FRYL: variants seen among roughly 807,000 people sequenced by gnomAD.
FRYL encodes the protein FRY like transcription coactivator, also known as protein furry homolog-like.
In FRYL, 150 loss-of-function variants were observed where a neutral mutation model predicts 351.2. The observed-to-expected ratio is 0.43, with a 90% CI of 0.37 to 0.49. FRYL has a LOEUF of 0.49. Among genes scored for constraint, FRYL ranks in the 20% least tolerant of loss-of-function variants. FRYL has a pLI of 0.00. For missense variants in FRYL, 3,036 were observed against 3,619.3 expected (o/e 0.84, Z 4.13); for synonymous variants, 1,153 against 1,257.1 (o/e 0.92, Z 1.75).
At chr4:48,603,087 C>T (rs1387522700) in intron 12 of FRYL, among the ~76,000 whole-genome samples, 1 of 152,190 alleles carries the variant, frequency 6.6e-6, no homozygotes, top group African/African-American at 2.4e-5. Context: ...AACAACTCAA[C>T]AAATGCAGAG....
intron 7 of FRYL, 40 bp from the exon 8 acceptor site, chr4:48,609,863 T>C: frequency 9.3e-7 from 1 of 1,069,552 alleles, no homozygotes; most frequent in Non-Finnish European, 1.4e-6. Context: ...GTTAAATTAT[T>C]GGTTTTTTAT....
chr4:48,579,115 G>A lies in FRYL; in HGVS notation c.2386C>T (p.Gln796Ter). The change falls in exon 23 of 64, where the codon CAA becomes TAA. Residue 796 changes from glutamine (Q) to a stop codon, truncating the protein, a stop_gained. Transcript: ENST00000358350. LOFTEE classifies it high-confidence loss of function. The stretch of plus-strand genomic sequence containing the variant: ...CTTATAATCCATGGGTCTTGGCCTT[G>A]GGTCACATGTGCAAATATCCATATA... ...SHIWIFAHVTQGQDPWIISLS... is the reference protein window; with the variant it reads ...SHIWIFAHVT The A allele has an allele frequency of 6.2e-7, 1 of 1,613,980 alleles. No individual in the cohort carries two copies. Among genetic ancestry groups the A allele is most frequent in the Non-Finnish European group, 8.5e-7 (1 of 1,179,920 alleles).
intron 3 of FRYL, among the ~76,000 whole-genome samples, chr4:48,677,881 T>A (rs1301566601): frequency 6.6e-6 from 1 of 152,184 alleles, no homozygotes; most frequent in African/African-American, 2.4e-5. Flanking sequence ...TTTCAGTAAA[T>A]GAACAAAACT....
chr4:48,724,626 GTC>G (rs1769878723), intron 1 of FRYL, among the ~76,000 whole-genome samples: 1 of 152,168 alleles, frequency 6.6e-6, no homozygotes, highest in African/African-American at 2.4e-5. Flanking sequence ...CATCTCCTGG[GTC>G]ACAGGAACTC....
chr4:48,581,385 T>G (rs1355799593), intron 21 of FRYL, 35 bp downstream of exon 21: 2 of 1,561,448 alleles, frequency 1.3e-6, no homozygotes, highest in African/African-American at 2.7e-5. Context: ...TTAAGTACTT[T>G]CAATAGATAA....
intron 2 of FRYL, among the ~76,000 whole-genome samples, chr4:48,709,195 C>A (rs1767740114): frequency 6.6e-6 from 1 of 152,184 alleles, no homozygotes; most frequent in Non-Finnish European, 1.5e-5. Context: ...GCTGGGATTA[C>A]AGGCATGAGC....
intron 19 of FRYL, among the ~76,000 whole-genome samples, chr4:48,583,462 A>G (rs1741377248): frequency 6.6e-6 from 1 of 152,046 alleles, no homozygotes; most frequent in African/African-American, 2.4e-5. Context: ...CTTTATACAC[A>G]CTGAAGTTAC....
In FRYL at chr4:48,575,125, T is replaced by G. The variant is rs779987321; in HGVS notation, c.2838A>C (p.Gly946=). ...LVLGLGRTNP[G]AFRELIEELH... ...TGTACGAACATAGTTACCTAAAAGC[T>G]CCTGGGTTGGTCCTGCCAAGACCTA... is the stretch of plus-strand genomic sequence containing the variant. The change falls in exon 25 of 64, where the codon GGA becomes GGC. Residue 946 remains glycine (G), a synonymous_variant. Transcript: ENST00000358350. The G allele has an allele frequency of 2.5e-6, 4 of 1,613,486 alleles. No homozygotes were observed. Among genetic ancestry groups the G allele is most frequent in the Non-Finnish European group, 2.5e-6 (3 of 1,179,428 alleles).
At chr4:48,565,104 T>A in intron 29 of FRYL, 61 bp from the exon 30 acceptor site, 1 of 963,342 alleles carries the variant, frequency 1.0e-6, no homozygotes. Flanking sequence ...GTTGGTTGCT[T>A]AATGAGAAGA....
At chr4:48,522,321 A>T (rs1407714713) in intron 54 of FRYL, among the ~76,000 whole-genome samples, 1 of 152,160 alleles carries the variant, frequency 6.6e-6, no homozygotes, top group Non-Finnish European at 1.5e-5. Flanking sequence ...AGAGCTGTGT[A>T]ACCATAGCTG....
chr4:48,674,666 G>A (rs1231289991), intron 3 of FRYL, among the ~76,000 whole-genome samples: 1 of 142,486 alleles, frequency 7.0e-6, no homozygotes, highest in Non-Finnish European at 1.5e-5. Context: ...GAACCTGGGA[G>A]GCGGAGCTTG....
intron 2 of FRYL, among the ~76,000 whole-genome samples, chr4:48,692,270 A>AAGT (rs1447115505): frequency 1.3e-5 from 2 of 152,160 alleles, no homozygotes; most frequent in African/African-American, 4.8e-5. Flanking sequence ...CTAGGTCAGG[A>AAGT]AGTAGTACAG....
chr4:48,605,666 C>CA, intron 11 of FRYL, 75 bp downstream of exon 11: 3 of 1,000,946 alleles, frequency 3.0e-6, no homozygotes, highest in South Asian at 2.8e-5. Context: ...ATTTTTAGGA[C>CA]AAAAAATAAA....
At chr4:48,500,689 A>AGG (rs1264778866) in intron 62 of FRYL, among the ~76,000 whole-genome samples, 1 of 152,128 alleles carries the variant, frequency 6.6e-6, no homozygotes, top group Non-Finnish European at 1.5e-5. Context: ...GCAGATGACA[A>AGG]GGGGGGGAAA....
intron 1 of FRYL, among the ~76,000 whole-genome samples, chr4:48,713,168 C>G (rs573251587): frequency 1.3e-5 from 2 of 151,960 alleles, no homozygotes; most frequent in Admixed American, 6.6e-5. Flanking sequence ...GAAACTGCAT[C>G]AACTAACAAG....
At chr4:48,541,666 A>T (rs1730188969) in intron 45 of FRYL, among the ~76,000 whole-genome samples, 1 of 152,188 alleles carries the variant, frequency 6.6e-6, no homozygotes, top group Admixed American at 6.5e-5. Context: ...CTTGCAAGGT[A>T]GAAAAAGTGG....
At chr4:48,548,056 A>T (rs929975941) in intron 40 of FRYL, among the ~76,000 whole-genome samples, 10 of 148,778 alleles carry the variant, frequency 6.7e-5, no homozygotes, top group African/African-American at 2.5e-4. Context: ...ATGGAAATGA[A>T]TTTTTTTTTT....
At chr4:48,511,025 GA>G (rs755641451) in intron 57 of FRYL, 41 bp from the exon 58 acceptor site, 97 of 1,478,202 alleles carry the variant, frequency 6.6e-5, no homozygotes, top group Non-Finnish European at 8.5e-5. Flanking sequence ...TGTTTCATAA[GA>G]AGGCCTTTTT....
At chr4:48,623,477 T>C (rs1172900847) in intron 4 of FRYL, among the ~76,000 whole-genome samples, 2 of 152,236 alleles carry the variant, frequency 1.3e-5, no homozygotes, top group Admixed American at 1.3e-4. Context: ...GATTACAGAC[T>C]TAAAGTTCAA....
Sources: allele counts gnomAD v4.1 joint callset (sites outside exome capture counted in the v4.1 genomes callset), GRCh38; gene constraint gnomAD v4.1.1; transcripts MANE v1.5; gene names NCBI Gene and HGNC (gene_info 2026-07-23, HGNC 2026-07-21).